The following SIL1 variants were observed in gnomAD, a reference collection of about 807,000 sequenced individuals.
SIL1 encodes the protein SIL1 nucleotide exchange factor, also known as nucleotide exchange factor SIL1.
In SIL1, 40 loss-of-function variants were observed where a neutral mutation model predicts 49.1. The ratio of observed to expected loss-of-function variants is 0.81; its 90% CI spans 0.63 to 1.06. The LOEUF is 1.06. Ranked by LOEUF, SIL1 falls within the 50% of genes least tolerant of loss-of-function variation. The pLI is 0.00. For synonymous variants in SIL1, 253 were observed against 250.8 expected (o/e 1.01, Z -0.08); for missense variants, 500 against 572.6 (o/e 0.87, Z 1.29).
At chr5:139,128,521 A>G (rs755039666) in intron 1 of SIL1, among the ~76,000 whole-genome samples, 2 of 151,998 alleles carry the variant, frequency 1.3e-5, no homozygotes, top group African/African-American at 2.4e-5. Flanking sequence ...TGGTGGTGTG[A>G]GCCTGTAGTC....
intron 7 of SIL1, among the ~76,000 whole-genome samples, chr5:139,003,226 C>G (rs971849291): frequency 1.1e-4 from 17 of 152,238 alleles, no homozygotes; most frequent in African/African-American, 4.1e-4. Flanking sequence ...TCTCCCACCC[C>G]CCAACTCCCA....
intron 7 of SIL1, among the ~76,000 whole-genome samples, chr5:138,981,730 T>C (rs937557469): frequency 6.6e-6 from 1 of 152,238 alleles, no homozygotes; most frequent in Non-Finnish European, 1.5e-5. Flanking sequence ...GGAGTTTCTG[T>C]TCTGTCCCAG....
chr5:139,117,371 G>A (rs550442856), intron 3 of SIL1, among the ~76,000 whole-genome samples: 1 of 152,234 alleles, frequency 6.6e-6, no homozygotes, highest in South Asian at 2.1e-4. Context: ...GTAAAAATGA[G>A]GATAGTTATA....
At chr5:139,098,809 C>CTTTTTTTTTTTTTTTTT (rs59863544) in intron 3 of SIL1, among the ~76,000 whole-genome samples, 1 of 89,048 alleles carries the variant, frequency 1.1e-5, no homozygotes, top group African/African-American at 4.1e-5. Flanking sequence ...TTTTCTTACT[C>CTTTTTTTTTTTTTTTTT]TTTTTTTTTT....
At chr5:139,012,617 T>G (rs1768306216) in intron 7 of SIL1, 1 of 152,252 alleles carries the variant, frequency 6.6e-6, no homozygotes, top group Non-Finnish European at 1.5e-5. Flanking sequence ...TTCCCAATTA[T>G]GTCATGATTT....
chr5:139,185,297 C>G (rs1470047078), intron 1 of SIL1, among the ~76,000 whole-genome samples: 1 of 152,178 alleles, frequency 6.6e-6, no homozygotes, highest in African/African-American at 2.4e-5. Context: ...GGGATGGGCT[C>G]TGGCCACCCA....
At chr5:139,196,218 G>C (rs1388890348) in intron 1 of SIL1, among the ~76,000 whole-genome samples, 1 of 151,898 alleles carries the variant, frequency 6.6e-6, no homozygotes, top group Non-Finnish European at 1.5e-5. Flanking sequence ...AATACAGTAT[G>C]GTTTAATATA....
At chr5:139,070,432 C>T (rs571591308) in intron 3 of SIL1, among the ~76,000 whole-genome samples, 1 of 152,150 alleles carries the variant, frequency 6.6e-6, no homozygotes, top group South Asian at 2.1e-4. Flanking sequence ...TATCTCTTGT[C>T]AACAGAAAAG....
chr5:139,084,585 G>A (rs1156420456), intron 3 of SIL1, among the ~76,000 whole-genome samples: 1 of 121,582 alleles, frequency 8.2e-6, no homozygotes, highest in Non-Finnish European at 1.7e-5. Context: ...ATTGAACAAT[G>A]AGATCACATG....
chr5:139,001,078 G>T (rs1192682007), intron 7 of SIL1, among the ~76,000 whole-genome samples: 3 of 151,688 alleles, frequency 2.0e-5, no homozygotes, highest in African/African-American at 7.3e-5. Flanking sequence ...TTGTCTGTGT[G>T]TGTGGGGGGG....
At chr5:139,180,381 C>CAAAAAA (rs35534058) in intron 1 of SIL1, among the ~76,000 whole-genome samples, 47 of 57,046 alleles carry the variant, frequency 8.2e-4, no homozygotes, top group African/African-American at 1.8e-3. Flanking sequence ...AACTCCATCT[C>CAAAAAA]AAAAAAAAAA....
At chr5:139,043,574 G>A (rs1035634846) in intron 4 of SIL1, among the ~76,000 whole-genome samples, 2 of 152,178 alleles carry the variant, frequency 1.3e-5, no homozygotes, top group Non-Finnish European at 2.9e-5. Context: ...AGATACTAAG[G>A]AGTAGAATCA....
chr5:139,090,469 G>A (rs1770319110), intron 3 of SIL1, among the ~76,000 whole-genome samples: 1 of 152,074 alleles, frequency 6.6e-6, no homozygotes, highest in South Asian at 2.1e-4. Flanking sequence ...AAAACATATT[G>A]CAAAACCTCT....
chr5:139,150,268 T>C (rs989877744), intron 1 of SIL1, among the ~76,000 whole-genome samples: 1 of 152,308 alleles, frequency 6.6e-6, no homozygotes, highest in South Asian at 2.1e-4. Context: ...TCCTCTTGTA[T>C]GTTCCACACT....
intron 6 of SIL1, among the ~76,000 whole-genome samples, chr5:139,023,366 G>A (rs1419954208): frequency 6.6e-6 from 1 of 152,134 alleles, no homozygotes; most frequent in African/African-American, 2.4e-5. Flanking sequence ...AGGAGGGAGT[G>A]CAGGAGGGAA....
At chr5:139,181,564 G>C (rs935934315) in intron 1 of SIL1, among the ~76,000 whole-genome samples, 1 of 152,178 alleles carries the variant, frequency 6.6e-6, no homozygotes, top group Non-Finnish European at 1.5e-5. Context: ...ATTCTGCCTG[G>C]TTCCCCACAC....
Position 139,127,799 on chromosome 5 carries a change from G to A in SIL1, c.45C>T (p.Gly15=). 6.2e-7 allele frequency: 1 copy of A among 1,610,264 alleles called. No homozygotes were observed. Among genetic ancestry groups the A allele is most frequent in the Non-Finnish European group, 8.5e-7 (1 of 1,178,960 alleles). The change falls in exon 2 of 10, where the codon GGC becomes GGT. Residue 15 remains glycine (G), a synonymous_variant. Coordinates refer to ENST00000394817, the MANE Select transcript of SIL1 (RefSeq NM_022464.5). Reference sequence around the variant, plus strand: ...CGGCCATCAGCAGCCCAAGCAGCATGCCCAGAGGAGCCATCCTAGATGAAG... The same window carrying A: ...CGGCCATCAGCAGCCCAAGCAGCATACCCAGAGGAGCCATCCTAGATGAAG... The part of the protein sequence containing the change: ...SLPSSRMAPL[G]MLLGLLMAAC...
chr5:139,156,025 G>A (rs183280600), intron 1 of SIL1, among the ~76,000 whole-genome samples: 30 of 152,130 alleles, frequency 2.0e-4, no homozygotes, highest in African/African-American at 5.8e-4. Flanking sequence ...TAGAGACGGG[G>A]TTTCTCCATG....
At chr5:139,185,015 G>A (rs939262517) in intron 1 of SIL1, among the ~76,000 whole-genome samples, 3 of 152,146 alleles carry the variant, frequency 2.0e-5, no homozygotes, top group Admixed American at 1.3e-4. Flanking sequence ...ACATTGCTTC[G>A]ATCAACATTA....
Sources: allele counts gnomAD v4.1 joint callset (sites outside exome capture counted in the v4.1 genomes callset), GRCh38; gene constraint gnomAD v4.1.1; transcripts MANE v1.5; gene names NCBI Gene and HGNC (gene_info 2026-07-23, HGNC 2026-07-21).